Variants in RAPGEF6 observed in about 807,000 individuals in gnomAD.
RAPGEF6 encodes the protein Rap guanine nucleotide exchange factor 6.
RAPGEF6 carries 56 observed loss-of-function variants against 171.4 expected under a neutral mutation model. That is an observed-to-expected ratio of 0.33 (90% CI 0.26 to 0.41). RAPGEF6 has a LOEUF of 0.41. Ranked by LOEUF, RAPGEF6 falls within the 10% of genes least tolerant of loss-of-function variation. The probability of loss-of-function intolerance (pLI) is 1.00; values close to 1 mark genes in which losing one functional copy is unlikely to be tolerated. For synonymous variants in RAPGEF6, 692 were observed against 650.1 expected (o/e 1.06, Z -0.98); for missense variants, 1,674 against 1,921.4 (o/e 0.87, Z 2.41).
chr5:131,536,231 A>C (rs1759761683), intron 6 of RAPGEF6, among the ~76,000 whole-genome samples: 1 of 152,202 alleles, frequency 6.6e-6, no homozygotes, highest in African/African-American at 2.4e-5. Flanking sequence ...AAAATAAATG[A>C]ATAAATGACT....
intron 6 of RAPGEF6, among the ~76,000 whole-genome samples, chr5:131,530,244 T>A (rs1759284545): frequency 6.6e-6 from 1 of 151,278 alleles, no homozygotes; most frequent in Non-Finnish European, 1.5e-5. Flanking sequence ...TCAGCAACAC[T>A]GGAGGCCAGA....
chr5:131,485,672 T>C (rs777045584), intron 15 of RAPGEF6, among the ~76,000 whole-genome samples: 8 of 152,226 alleles, frequency 5.3e-5, no homozygotes, highest in Non-Finnish European at 1.0e-4. Context: ...CTTCTGCGAA[T>C]TGCCTGTTGC....
At position 131,601,547 on chromosome 5, in the gene RAPGEF6, T is replaced by C. The variant is rs188787863; in HGVS notation, c.197+1724A>G. On this transcript the variant is annotated intron_variant, in intron 3 of 27. Transcript: ENST00000509018. ...TAAAAGAAGCTATCCAAATACCTGA[T>C]AGAAACATAAATGTCATTCATCATC... is the stretch of plus-strand genomic sequence containing the variant. Among the ~76,000 whole-genome samples, 10 of 152,232 alleles carry C rather than the reference T, an allele frequency of 6.6e-5. 1 individual carries two copies. Among genetic ancestry groups the C allele is most frequent in the Admixed American group, 4.6e-4 (7 of 15,286 alleles).
chr5:131,590,445 C>T (rs1224690498), intron 4 of RAPGEF6, among the ~76,000 whole-genome samples: 2 of 152,116 alleles, frequency 1.3e-5, no homozygotes, highest in South Asian at 2.1e-4. Flanking sequence ...GTTCCAATTA[C>T]GGTATGGTTT....
intron 6 of RAPGEF6, among the ~76,000 whole-genome samples, chr5:131,547,064 G>C (rs544962727): frequency 6.6e-6 from 1 of 152,196 alleles, no homozygotes. Context: ...CTCTGGATAT[G>C]ATAAATTTTA....
intron 1 of RAPGEF6, among the ~76,000 whole-genome samples, chr5:131,610,838 T>C (rs192693333): frequency 3.9e-5 from 6 of 152,256 alleles, no homozygotes; most frequent in Admixed American, 6.5e-5. Context: ...AAGAAGTAGA[T>C]TTGTGTGGTG....
chr5:131,531,814 T>A (rs1759400126), intron 6 of RAPGEF6, among the ~76,000 whole-genome samples: 1 of 152,192 alleles, frequency 6.6e-6, no homozygotes, highest in Non-Finnish European at 1.5e-5. Context: ...TGATCACTGA[T>A]AAGTACAGCA....
chr5:131,586,089 A>C, intron 4 of RAPGEF6, among the ~76,000 whole-genome samples: 1 of 152,204 alleles, frequency 6.6e-6, no homozygotes, highest in African/African-American at 2.4e-5. Flanking sequence ...AAATGAACTA[A>C]GACCTGTCTC....
intron 3 of RAPGEF6, among the ~76,000 whole-genome samples, chr5:131,596,025 G>A (rs960537248): frequency 6.6e-5 from 10 of 151,924 alleles, no homozygotes; most frequent in Non-Finnish European, 8.8e-5. Context: ...GTGGTGGTAC[G>A]CGCCTGTAAT....
intron 18 of RAPGEF6, chr5:131,463,666 A>C (rs913804228): frequency 1.2e-6 from 1 of 835,188 alleles, no homozygotes; most frequent in Non-Finnish European, 1.4e-6. Context: ...ACATTTTAAA[A>C]TTTTTAAAAT....
At chr5:131,440,653 G>A (rs1021378127) in intron 23 of RAPGEF6, among the ~76,000 whole-genome samples, 1 of 145,926 alleles carries the variant, frequency 6.9e-6, no homozygotes, top group Non-Finnish European at 1.5e-5. Flanking sequence ...CATAAGAATT[G>A]CTTGAACCTG....
chr5:131,464,267 C>T lies in RAPGEF6; in HGVS notation c.2254G>A (p.Val752Ile), dbSNP rs1342943157. Residue 752 changes from valine to isoleucine, a missense_variant, in exon 18 of 28, where the codon GTT (valine) becomes ATT (isoleucine). Coordinates refer to ENST00000509018, the MANE Select transcript of RAPGEF6 (RefSeq NM_016340.6). ...FSNPSDIPDQ[V>I]IRVFKVDQQS... ...TGATCCACTTTGAAAACTCTTATAA[C>T]TTGATCAGGGATATCTACATAAATA... 1 of 1,610,910 alleles carries T rather than the reference C, an allele frequency of 6.2e-7. No individual in the cohort carries two copies. The highest frequency in any genetic ancestry group is 1.7e-5 in the Admixed American group (1 of 59,878).
At chr5:131,540,540 G>C (rs988916100) in intron 6 of RAPGEF6, among the ~76,000 whole-genome samples, 2 of 152,108 alleles carry the variant, frequency 1.3e-5, no homozygotes, top group Non-Finnish European at 2.9e-5. Context: ...TCACAGCTTG[G>C]GCAACAGAGC....
chr5:131,576,369 C>T (rs1201820758), intron 4 of RAPGEF6, among the ~76,000 whole-genome samples: 1 of 151,788 alleles, frequency 6.6e-6, no homozygotes, highest in African/African-American at 2.4e-5. Context: ...CGGGCTCTCA[C>T]CCTTGCAAAG....
chr5:131,548,070 C>T lies in RAPGEF6; in HGVS notation c.472G>A (p.Val158Met), dbSNP rs201854678. 2.9e-5 allele frequency: 46 copies of T among 1,613,930 alleles called. No homozygotes were observed. In the East Asian group the frequency reaches 7.6e-4, roughly 27 times the overall value. Reference protein sequence around the residue: ...KGERQTITDDVEVNSYLSLPA... With the variant: ...KGERQTITDDMEVNSYLSLPA... Reference sequence around the variant, plus strand: ...ACAGAAAGATAGCTGTTAACCTCCACATCATCAGTAATGGTTTGGCGCTCT... The same window carrying T: ...ACAGAAAGATAGCTGTTAACCTCCATATCATCAGTAATGGTTTGGCGCTCT... The change falls in exon 6 of 28, where the codon GTG becomes ATG. Residue 158 changes from valine (V) to methionine (M), a missense_variant. Val to Met is a conservative substitution (Grantham distance 21). This residue lies in a region of RAPGEF6 where 1,116 missense variants were observed against 1,321.5 expected (regional missense o/e 0.84). Transcript: ENST00000509018.
chr5:131,485,812 T>A (rs1044527146), intron 15 of RAPGEF6, among the ~76,000 whole-genome samples: 1 of 152,202 alleles, frequency 6.6e-6, no homozygotes, highest in Non-Finnish European at 1.5e-5. Context: ...TTAATTTGAT[T>A]TTTATCTTCA....
chr5:131,441,928 A>G (rs1752406886), intron 23 of RAPGEF6, among the ~76,000 whole-genome samples: 2 of 152,194 alleles, frequency 1.3e-5, no homozygotes, highest in South Asian at 4.1e-4. Flanking sequence ...TAAAAGTTAT[A>G]TTCTCTTGTT....
intron 4 of RAPGEF6, among the ~76,000 whole-genome samples, chr5:131,566,181 A>G (rs1761922446): frequency 6.6e-6 from 1 of 151,834 alleles, no homozygotes; most frequent in Non-Finnish European, 1.5e-5. Context: ...GATCAGGGAT[A>G]CAAATTTAAA....
chr5:131,604,219 A>G (rs1351495716), intron 2 of RAPGEF6, among the ~76,000 whole-genome samples: 1 of 152,174 alleles, frequency 6.6e-6, no homozygotes, highest in Non-Finnish European at 1.5e-5. Context: ...CTACAAAAAG[A>G]TAACAGGAGT....
Sources: gnomAD v4.1 joint callset for allele counts (sites outside exome capture counted in the v4.1 genomes callset) on GRCh38, gnomAD v4.1.1 for gene constraint, gnomAD v4.1.1 regional missense constraint, MANE v1.5 for transcripts, NCBI Gene and HGNC (gene_info 2026-07-23, HGNC 2026-07-21) for gene names.